DNHD1: variants seen among roughly 807,000 people sequenced by gnomAD.
The protein encoded by DNHD1 is dynein heavy chain domain 1, also known as dynein heavy chain domain-containing protein 1.
Under a neutral mutation model 458.1 loss-of-function variants are expected in DNHD1, and 383 were observed. The observed-to-expected ratio is 0.84, with a 90% CI of 0.77 to 0.91. The LOEUF is 0.91. Among genes scored for constraint, DNHD1 ranks in the 40% least tolerant of loss-of-function variants. The pLI is 0.00. For missense variants in DNHD1, 5,336 were observed against 5,866.1 expected (o/e 0.91, Z 2.95); for synonymous variants, 2,203 against 2,376.9 (o/e 0.93, Z 2.13).
intron 32 of DNHD1, among the ~76,000 whole-genome samples, chr11:6,565,397 C>T (rs1853675288): frequency 6.6e-6 from 1 of 152,128 alleles, no homozygotes; most frequent in African/African-American, 2.4e-5. Flanking sequence ...AGGATCCCTC[C>T]CTGGAATTTT....
At position 6,546,677 on chromosome 11, in the gene DNHD1, G is replaced by GCCCTACTGCA. The variant is rs763993355; in HGVS notation, c.5739_5740insCCTACTGCAC (p.Ser1914ProfsTer8). ...GCCATTGAGGAGGCTGCCCTACTGC[G>GCCCTACTGCA]CTCACCACTGTTTAGCATTCTCAAT... is the stretch of plus-strand genomic sequence containing the variant. On this transcript the variant is annotated frameshift_variant, in exon 21 of 43. Transcript: ENST00000254579. LOFTEE classifies it high-confidence loss of function. The GCCCTACTGCA allele has an allele frequency of 3.8e-3, 1,039 of 276,670 alleles. 3 individuals are homozygous for GCCCTACTGCA. The African/African-American group carries it at 0.061, about 16-fold the overall frequency. 17.1% of individuals were successfully genotyped at this position (276,670 alleles called of 1,614,324 possible).
intron 21 of DNHD1, 35 bp from the exon 22 acceptor site, chr11:6,547,828 T>C: frequency 6.5e-7 from 1 of 1,549,174 alleles, no homozygotes; most frequent in Non-Finnish European, 8.7e-7. Context: ...CTTTTTCTAC[T>C]GGGGCTCCTC....
chr11:6,529,749 T>G (rs1852789001), intron 12 of DNHD1, among the ~76,000 whole-genome samples: 1 of 152,184 alleles, frequency 6.6e-6, no homozygotes, highest in Admixed American at 6.5e-5. Flanking sequence ...GATACATCCT[T>G]GCCTGGTCTC....
At chr11:6,544,767 A>ACTT in intron 20 of DNHD1, 25 bp from the exon 21 acceptor site, 6 of 1,545,266 alleles carry the variant, frequency 3.9e-6, no homozygotes, top group Non-Finnish European at 5.3e-6. Flanking sequence ...ATTGGCCCTC[A>ACTT]CTTTTATCCT....
rs1437685640 is a variant in DNHD1 at position 6,519,847 on chromosome 11, T to A, written c.1640T>A (p.Ile547Asn). Reference protein sequence around the residue: ...EEQITSFVANILQAPRQKPFL... With the variant: ...EEQITSFVANNLQAPRQKPFL... ...CAGATAACCTCTTTTGTGGCCAACA[T>A]CCTTCAAGTGAGGTGGTGGGTGGCA... Residue 547 changes from isoleucine (I) to asparagine (N), a missense_variant, in exon 8 of 43, where the codon ATC becomes AAC. Coordinates refer to ENST00000254579, the MANE Select transcript of DNHD1 (RefSeq NM_144666.3). 13 of 1,612,558 alleles carry A rather than the reference T, an allele frequency of 8.1e-6. No homozygotes were observed. The highest frequency in any genetic ancestry group is 1.1e-5 in the Non-Finnish European group (13 of 1,180,008).
rs771333334 is a variant in DNHD1, at chr11:6,571,424, G to C, written c.13911+1G>C. 6.3e-7 allele frequency: 1 copy of C among 1,583,826 alleles called. No individual in the cohort carries two copies. Among genetic ancestry groups the C allele is most frequent in the Non-Finnish European group, 8.6e-7 (1 of 1,160,588 alleles). On this transcript the variant is annotated splice_donor_variant, in intron 42 of 42. Coordinates refer to ENST00000254579, the MANE Select transcript of DNHD1 (RefSeq NM_144666.3). LOFTEE classifies it high-confidence loss of function. This position sits in a 1 kb window ranked among gnomAD's most constrained non-coding sequence, Gnocchi z 5.0. ...GAACAGCAACCCTCTGCACTTCAGG[G>C]TATCTTCGCGCCGCCCCTCGTTCGC...
chr11:6,512,322 G>T (rs374410270), intron 7 of DNHD1, among the ~76,000 whole-genome samples: 1 of 137,754 alleles, frequency 7.3e-6, no homozygotes, highest in Non-Finnish European at 1.5e-5. Context: ...CCGGGTTCAC[G>T]CCATTCTCCT....
chr11:6,542,933 A>G (rs565047922), intron 18 of DNHD1, among the ~76,000 whole-genome samples: 52 of 152,308 alleles, frequency 3.4e-4, no homozygotes, highest in African/African-American at 1.2e-3. Context: ...TCTTCCCCCA[A>G]TTAATTGAGA....
chr11:6,500,178 T>C (rs1260384517), intron 3 of DNHD1, among the ~76,000 whole-genome samples: 2 of 152,046 alleles, frequency 1.3e-5, no homozygotes, highest in African/African-American at 4.8e-5. Context: ...TTGACCAGGC[T>C]AGGTTTCCAA....
Position 6,546,374 on chromosome 11 carries a change from C to A in DNHD1, c.5435C>A (p.Ser1812Tyr). 1 of 1,552,128 alleles carries A rather than the reference C, an allele frequency of 6.4e-7. No individual in the cohort carries two copies. Among genetic ancestry groups the A allele is most frequent in the South Asian group, 1.2e-5 (1 of 84,050 alleles). ...CTCCTGGTACTGCGTGCCCTGAGCT[C>A]TGCTGTGCCTGCCAACCTGCACCTG... ...GCLLVLRALS[S>Y]AVPANLHLLL... The change falls in exon 21 of 43, where the codon TCT becomes TAT. Residue 1812 changes from serine (S) to tyrosine (Y), a missense_variant. Physicochemically the swap from Ser to Tyr is moderately radical, Grantham distance 144. Transcript: ENST00000254579.
Position 6,520,279 on chromosome 11 carries a change from G to C in DNHD1, c.1827G>C (p.Leu609=). The C allele has an allele frequency of 1.3e-6, 2 of 1,551,950 alleles. No homozygotes were observed. Among genetic ancestry groups the C allele is most frequent in the Non-Finnish European group, 1.7e-6 (2 of 1,147,078 alleles). The change falls in exon 10 of 43, where the codon CTG becomes CTC. Residue 609 remains leucine, a synonymous_variant. Transcript: ENST00000254579. ...SADLKTSSDS[L]YSEEEDEEED... ...ACCTGAAGACCTCCTCGGATTCCCT[G>C]TATTCTGAAGGTATTTAGGGAGACC...
rs1352369354 is a variant in DNHD1, at chr11:6,528,724, G to A, written c.2040G>A (p.Glu680=). The A allele has an allele frequency of 6.4e-7, 1 of 1,551,756 alleles. No homozygotes were observed. Among genetic ancestry groups the A allele is most frequent in the South Asian group, 1.2e-5 (1 of 84,064 alleles). The change falls in exon 11 of 43, where the codon GAG becomes GAA. Residue 680 remains glutamate (E), a synonymous_variant. Coordinates refer to ENST00000254579, the MANE Select transcript of DNHD1 (RefSeq NM_144666.3). ...QYFPHNYKQL[E]EDLDNNPKIQ... ...TCCCCCACAATTATAAGCAGCTGGA[G>A]GAAGACCTGGACAACAACCCTAAGA...
At chr11:6,564,201 G>A in intron 31 of DNHD1, 77 bp downstream of exon 31, 1 of 1,484,030 alleles carries the variant, frequency 6.7e-7, no homozygotes. Context: ...TGCCCTCACT[G>A]CCTCCCTCTG....
chr11:6,565,101 T>C (rs1853670352), intron 32 of DNHD1, among the ~76,000 whole-genome samples: 1 of 152,212 alleles, frequency 6.6e-6, no homozygotes, highest in Non-Finnish European at 1.5e-5. Context: ...GTTGGCTCTG[T>C]TTGGATCGGG....
chr11:6,544,526 G>A (rs1187670314), intron 19 of DNHD1, 48 bp from the exon 20 acceptor site: 1 of 1,471,230 alleles, frequency 6.8e-7, no homozygotes, highest in Admixed American at 2.0e-5. Context: ...CCTGCAGAAG[G>A]TAGAACCCTA....
In DNHD1 at chr11:6,540,167, C is replaced by T. The variant is rs749422873; in HGVS notation, c.3628+84C>T. ...CCATATCCATCAAGGCCTGCCAGAT[C>T]TGATTCTCTAGCCAGGGCCCCATCC... is the stretch of plus-strand genomic sequence containing the variant. On this transcript the variant is annotated intron_variant, in intron 18 of 42. Coordinates refer to ENST00000254579, the MANE Select transcript of DNHD1 (RefSeq NM_144666.3). 44 of 1,235,990 alleles carry T rather than the reference C, an allele frequency of 3.6e-5. 1 individual carries two copies. The highest frequency in any genetic ancestry group is 4.7e-5 in the Non-Finnish European group (41 of 872,680). 76.6% of individuals were successfully genotyped at this position (1,235,990 alleles called of 1,614,324 possible). A position where few individuals can be genotyped will look rare whatever the true frequency, so the allele number is the denominator to read the frequency against.
chr11:6,547,467 T>C lies in DNHD1; in HGVS notation c.6528T>C (p.Ala2176=). 1 of 1,551,126 alleles carries C rather than the reference T, an allele frequency of 6.4e-7. No homozygotes were observed. Among genetic ancestry groups the C allele is most frequent in the Non-Finnish European group, 8.7e-7 (1 of 1,146,488 alleles). The change falls in exon 21 of 43, where the codon GCT becomes GCC. Residue 2176 remains alanine (A), a synonymous_variant. Coordinates refer to ENST00000254579, the MANE Select transcript of DNHD1 (RefSeq NM_144666.3). ...ACCGCCTGCAGCACCGGACAGTCGC[T>C]GAGCTCAACCACATGGCTGAGGTTC... is the stretch of plus-strand genomic sequence containing the variant. ...YEYRLQHRTV[A]ELNHMAEVLV...
At chr11:6,563,321 C>A (rs1853624153) in intron 29 of DNHD1, 61 bp from the exon 30 acceptor site, 1 of 1,535,020 alleles carries the variant, frequency 6.5e-7, no homozygotes, top group Non-Finnish European at 8.8e-7. Context: ...CCTAAAAACA[C>A]CTTGAAGGAA....
chr11:6,548,008 G>A lies in DNHD1; in HGVS notation c.6873G>A (p.Leu2291=). The A allele has an allele frequency of 5.2e-6, 8 of 1,551,686 alleles. No individual in the cohort carries two copies. Among genetic ancestry groups the A allele is most frequent in the Non-Finnish European group, 6.1e-6 (7 of 1,146,998 alleles). The change falls in exon 22 of 43, where the codon TTG becomes TTA. Residue 2291 remains leucine (L), a synonymous_variant. Coordinates refer to ENST00000254579, the MANE Select transcript of DNHD1 (RefSeq NM_144666.3). The surrounding 1 kb of genome is among the most constrained non-coding windows in gnomAD (Gnocchi z 4.4). ...LLAVSSFLFA[L]IWGFGAHLPS... is the part of the protein sequence containing the mutation. ...CTGTCAGCAGTTTTCTTTTTGCCTT[G>A]ATCTGGGGCTTTGGAGCCCACCTTC...
Sources: allele counts gnomAD v4.1 joint callset (sites outside exome capture counted in the v4.1 genomes callset), GRCh38; gene constraint gnomAD v4.1.1; non-coding constraint Gnocchi (gnomAD v3.1); transcripts MANE v1.5; gene names NCBI Gene and HGNC (gene_info 2026-07-23, HGNC 2026-07-21).